Variants in CHD6 observed in about 807,000 individuals in gnomAD.
The protein encoded by CHD6 is chromodomain helicase DNA binding protein 6.
CHD6 carries 50 observed loss-of-function variants against 276.9 expected under a neutral mutation model. The ratio of observed to expected loss-of-function variants is 0.18; its 90% confidence interval spans 0.14 to 0.23. The LOEUF (loss-of-function observed/expected upper bound fraction) is 0.23, where lower values mean the gene tolerates loss of function less well. Among genes scored for constraint, CHD6 ranks in the 10% least tolerant of loss-of-function variants. The pLI, the probability that CHD6 is intolerant of heterozygous loss-of-function variation, is 1.00. For synonymous variants in CHD6, 1,173 were observed against 1,229.3 expected, an observed-to-expected ratio of 0.95 and a Z score of 0.96; for missense variants, 2,564 against 3,365.8, an observed-to-expected ratio of 0.76 and a Z score of 5.89.
intron 17 of CHD6, among the ~76,000 whole-genome samples, chr20:41,459,047 G>T (rs906396632): frequency 6.6e-6 from 1 of 152,104 alleles, no homozygotes; most frequent in Non-Finnish European, 1.5e-5. Context: ...CTGTGTCAGA[G>T]GCCAGGCTGT....
intron 17 of CHD6, among the ~76,000 whole-genome samples, chr20:41,463,194 A>G (rs1306925377): frequency 1.3e-5 from 2 of 152,222 alleles, no homozygotes; most frequent in Non-Finnish European, 2.9e-5. Context: ...TCATATTGAC[A>G]TAAAATAAAT....
At chr20:41,551,687 T>C (rs1287667947) in intron 1 of CHD6, among the ~76,000 whole-genome samples, 1 of 152,190 alleles carries the variant, frequency 6.6e-6, no homozygotes, top group Non-Finnish European at 1.5e-5. Flanking sequence ...TGAGAGGTAT[T>C]AGGAGATGGG....
At chr20:41,454,373 G>A (rs576895812) in intron 20 of CHD6, among the ~76,000 whole-genome samples, 1 of 152,228 alleles carries the variant, frequency 6.6e-6, no homozygotes, top group Non-Finnish European at 1.5e-5. Flanking sequence ...AACTTGACCT[G>A]TGTATCCAGT....
At chr20:41,410,710 T>C (rs911476348) in intron 36 of CHD6, among the ~76,000 whole-genome samples, 1 of 152,152 alleles carries the variant, frequency 6.6e-6, no homozygotes, top group African/African-American at 2.4e-5. Context: ...AAATGGGTTT[T>C]CTGGCAAAGG....
At chr20:41,444,006 T>C (rs2047983969) in intron 25 of CHD6, among the ~76,000 whole-genome samples, 1 of 152,226 alleles carries the variant, frequency 6.6e-6, no homozygotes. Context: ...AGATGTGTTC[T>C]CTTTTCTCAG....
rs1317815611 is a variant in CHD6, at chr20:41,514,878, A to G, written c.629T>C (p.Leu210Ser). ...GTTCGTCAGGCCCTGATCCAGCTCT[A>G]AACTCTCCACTGTAGTTTCACTTTT... ...KRKSETTVES[L>S]ELDQGLTNPS... is the part of the protein sequence containing the mutation. Residue 210 changes from leucine (L) to serine (S), a missense_variant, in exon 4 of 37, where the codon TTA becomes TCA. Physicochemically the swap from Leu to Ser is moderately radical, Grantham distance 145 (BLOSUM62 -2). Around this residue, in one of 7 missense-constraint regions of CHD6, gnomAD observed 286 missense variants for 297.8 expected, o/e 0.96. Transcript: ENST00000373233. 1.2e-6 allele frequency: 2 copies of G among 1,613,976 alleles called. No individual in the cohort carries two copies. The highest frequency in any genetic ancestry group is 1.7e-5 in the Admixed American group (1 of 59,990).
intron 1 of CHD6, among the ~76,000 whole-genome samples, chr20:41,582,937 C>T (rs528356813): frequency 1.3e-5 from 2 of 152,014 alleles, no homozygotes; most frequent in South Asian, 2.1e-4. Flanking sequence ...CAAACTGCAA[C>T]AAAAACGGGG....
chr20:41,486,233 T>C (rs1262788203), intron 14 of CHD6: 2 of 152,200 alleles, frequency 1.3e-5, no homozygotes, highest in African/African-American at 4.8e-5. Flanking sequence ...TCTTGGTTCA[T>C]ACCTTGAATC....
chr20:41,601,670 G>A (rs955520029), intron 1 of CHD6, among the ~76,000 whole-genome samples: 2 of 152,188 alleles, frequency 1.3e-5, no homozygotes, highest in Non-Finnish European at 2.9e-5. Context: ...GTCAGAACAA[G>A]TAACTGTGCA....
At chr20:41,434,231 T>C (rs2047631540) in intron 27 of CHD6, among the ~76,000 whole-genome samples, 1 of 152,162 alleles carries the variant, frequency 6.6e-6, no homozygotes. Flanking sequence ...AAAAGTTATA[T>C]TTATGCAAAC....
intron 22 of CHD6, 71 bp downstream of exon 22, chr20:41,451,755 G>A: frequency 7.6e-7 from 1 of 1,317,084 alleles, no homozygotes; most frequent in Non-Finnish European, 1.1e-6. Flanking sequence ...CAGCAATACG[G>A]CCCCGCAGAG....
intron 23 of CHD6, among the ~76,000 whole-genome samples, chr20:41,449,783 G>C (rs1262982620): frequency 6.6e-6 from 1 of 152,118 alleles, no homozygotes; most frequent in African/African-American, 2.4e-5. Flanking sequence ...ACATACATGT[G>C]TATTCAGCAT....
Position 41,473,643 on chromosome 20 carries a change from C to T in CHD6, c.2469-126G>A, listed in dbSNP as rs557144649. On this transcript the variant is annotated intron_variant, in intron 16 of 36. Coordinates refer to ENST00000373233, the MANE Select transcript of CHD6 (RefSeq NM_032221.5). The surrounding 1 kb of genome is among the most constrained non-coding windows in gnomAD (Gnocchi z 4.1). The stretch of plus-strand genomic sequence containing the variant: ...TCACTTCTAAATTTGGACCAAATGA[C>T]AGCAGTCTAGAAGGAATCCTGCCCC... The T allele has an allele frequency of 2.7e-6, 2 of 735,840 alleles. No individual in the cohort carries two copies. The highest frequency in any genetic ancestry group is 2.6e-5 in the East Asian group (1 of 37,870). The allele number at this position is 735,840 out of a possible 1,614,324, so 45.6% of individuals were successfully genotyped here. A position where few individuals can be genotyped will look rare whatever the true frequency, so the allele number is the denominator to read the frequency against.
chr20:41,566,071 A>C (rs997153994), intron 1 of CHD6, among the ~76,000 whole-genome samples: 2 of 152,190 alleles, frequency 1.3e-5, no homozygotes, highest in African/African-American at 4.8e-5. Flanking sequence ...GCAGTTCTCA[A>C]TAATGGCTGA....
intron 1 of CHD6, among the ~76,000 whole-genome samples, chr20:41,572,492 G>A (rs1458256113): frequency 6.6e-6 from 1 of 152,160 alleles, no homozygotes; most frequent in Non-Finnish European, 1.5e-5. Flanking sequence ...CCAGAGAGTT[G>A]TTTCCTGCAG....
chr20:41,522,952 T>C (rs956005566), intron 3 of CHD6, among the ~76,000 whole-genome samples: 2 of 152,122 alleles, frequency 1.3e-5, no homozygotes, highest in African/African-American at 2.4e-5. Context: ...CTTTAAAATA[T>C]ATATATATAT....
intron 34 of CHD6, 98 bp downstream of exon 34, chr20:41,415,088 G>T: frequency 6.7e-7 from 1 of 1,494,020 alleles, no homozygotes; most frequent in Non-Finnish European, 9.0e-7. Flanking sequence ...CCGAAATAGA[G>T]ATAAAAGATC....
At chr20:41,426,879 T>TCTAACAGAA (rs2047380773) in intron 27 of CHD6, among the ~76,000 whole-genome samples, 2 of 152,220 alleles carry the variant, frequency 1.3e-5, no homozygotes, top group Admixed American at 6.5e-5. Context: ...CAGAAGTGAC[T>TCTAACAGAA]GTGCTATTTT....
chr20:41,563,621 G>A (rs2045325419), intron 1 of CHD6, among the ~76,000 whole-genome samples: 1 of 152,098 alleles, frequency 6.6e-6, no homozygotes, highest in Admixed American at 6.5e-5. Context: ...ATCCTAATCT[G>A]CTCATAAAAA....
Sources: gnomAD v4.1 joint callset for allele counts (sites outside exome capture counted in the v4.1 genomes callset) on GRCh38, gnomAD v4.1.1 for gene constraint, gnomAD v4.1.1 regional missense constraint, Gnocchi (gnomAD v3.1) non-coding constraint, MANE v1.5 for transcripts, NCBI Gene and HGNC (gene_info 2026-07-23, HGNC 2026-07-21) for gene names.